PDSS2: variants seen among roughly 807,000 people sequenced by gnomAD.
The protein encoded by PDSS2 is all trans-polyprenyl-diphosphate synthase PDSS2.
Under a neutral mutation model 44.5 loss-of-function variants are expected in PDSS2, and 31 were observed. The observed-to-expected ratio is 0.70, with a 90% CI of 0.52 to 0.94. The LOEUF is 0.94. Among genes scored for constraint, PDSS2 ranks in the 40% least tolerant of loss-of-function variants. PDSS2 has a pLI of 0.00. For synonymous variants in PDSS2, 157 were observed against 180.3 expected (o/e 0.87, Z 1.03); for missense variants, 452 against 482.2 (o/e 0.94, Z 0.59).
chr6:107,388,691 G>A (rs1433799540), intron 1 of PDSS2, among the ~76,000 whole-genome samples: 2 of 151,992 alleles, frequency 1.3e-5, no homozygotes, highest in African/African-American at 4.8e-5. Flanking sequence ...ATCTTCTGAC[G>A]TCGTGATCCA....
At chr6:107,183,373 T>C (rs1171528665) in intron 7 of PDSS2, among the ~76,000 whole-genome samples, 2 of 152,270 alleles carry the variant, frequency 1.3e-5, no homozygotes, top group East Asian at 1.9e-4. Context: ...ACAATCTCCA[T>C]AGTTATCACT....
chr6:107,227,983 G>C (rs1773892016), intron 4 of PDSS2, among the ~76,000 whole-genome samples: 1 of 152,002 alleles, frequency 6.6e-6, no homozygotes, highest in Non-Finnish European at 1.5e-5. Context: ...TGAAGGCTTG[G>C]GTTTCATTTT....
At chr6:107,386,237 T>C (rs1346732573) in intron 1 of PDSS2, among the ~76,000 whole-genome samples, 4 of 152,138 alleles carry the variant, frequency 2.6e-5, no homozygotes, top group Admixed American at 6.6e-5. Flanking sequence ...TTCTTCTGGG[T>C]TCCCATATAC....
chr6:107,450,966 G>A (rs752913987), intron 1 of PDSS2, among the ~76,000 whole-genome samples: 6 of 152,108 alleles, frequency 3.9e-5, no homozygotes, highest in South Asian at 2.1e-4. Context: ...AAGTAGCTGG[G>A]ACCACAGGTG....
intron 1 of PDSS2, among the ~76,000 whole-genome samples, chr6:107,379,914 T>C (rs1436055593): frequency 6.6e-6 from 1 of 152,098 alleles, no homozygotes; most frequent in Non-Finnish European, 1.5e-5. Flanking sequence ...TTATATATTA[T>C]GTATAATATG....
intron 4 of PDSS2, among the ~76,000 whole-genome samples, chr6:107,217,621 G>A (rs1045157946): frequency 1.3e-5 from 2 of 151,970 alleles, no homozygotes; most frequent in African/African-American, 4.8e-5. Context: ...CTCAAATATG[G>A]CTGGTGGAAG....
chr6:107,458,865 TA>T (rs34708667), intron 1 of PDSS2, 124 bp downstream of exon 1: 1 of 818,294 alleles, frequency 1.2e-6, no homozygotes, highest in Non-Finnish European at 2.0e-6. Context: ...GAGGAGTGAG[TA>T]AAAAGGAAGG....
At chr6:107,172,513 G>A (rs997320055) in intron 7 of PDSS2, among the ~76,000 whole-genome samples, 18 of 151,952 alleles carry the variant, frequency 1.2e-4, no homozygotes, top group African/African-American at 4.1e-4. Flanking sequence ...CTGACATTGC[G>A]CCATTGCACT....
chr6:107,350,810 CA>C (rs564412591), intron 1 of PDSS2, among the ~76,000 whole-genome samples: 9 of 139,560 alleles, frequency 6.4e-5, no homozygotes, highest in East Asian at 2.0e-4. Flanking sequence ...GACCCTGTCT[CA>C]AAAAAAAAAG....
At chr6:107,338,597 C>T (rs961358668) in intron 1 of PDSS2, among the ~76,000 whole-genome samples, 1 of 152,162 alleles carries the variant, frequency 6.6e-6, no homozygotes, top group Non-Finnish European at 1.5e-5. Context: ...GTAGAAGAAG[C>T]AACTAACACA....
At chr6:107,230,682 T>C (rs1010939515) in intron 4 of PDSS2, among the ~76,000 whole-genome samples, 49 of 151,828 alleles carry the variant, frequency 3.2e-4, no homozygotes, top group South Asian at 6.2e-4. Context: ...GGCATGTTTT[T>C]CTCATAGTGA....
intron 7 of PDSS2, among the ~76,000 whole-genome samples, chr6:107,185,591 C>A (rs540715664): frequency 6.6e-6 from 1 of 152,320 alleles, no homozygotes; most frequent in South Asian, 2.1e-4. Flanking sequence ...TACAGGCATA[C>A]GCTCAGCTCC....
intron 3 of PDSS2, among the ~76,000 whole-genome samples, chr6:107,247,181 A>G (rs1013289210): frequency 1.3e-5 from 2 of 152,232 alleles, no homozygotes; most frequent in African/African-American, 4.8e-5. Context: ...CTGGACACAT[A>G]ATACAGATCA....
At chr6:107,457,581 C>T (rs548972234) in intron 1 of PDSS2, among the ~76,000 whole-genome samples, 6 of 152,226 alleles carry the variant, frequency 3.9e-5, no homozygotes, top group East Asian at 1.9e-4. Flanking sequence ...TTCGTGACAA[C>T]CAAAAATGTC....
chr6:107,442,889 C>T (rs1346065999), intron 1 of PDSS2, among the ~76,000 whole-genome samples: 1 of 152,210 alleles, frequency 6.6e-6, no homozygotes, highest in African/African-American at 2.4e-5. Flanking sequence ...TCCGCAAGAA[C>T]ATCTCAATTT....
chr6:107,211,599 A>G (rs569744828), intron 5 of PDSS2, among the ~76,000 whole-genome samples: 15 of 152,020 alleles, frequency 9.9e-5, no homozygotes, highest in Admixed American at 2.0e-4. Context: ...GCGTGGTGGC[A>G]TGTGCCTGTA....
chr6:107,174,561 G>C (rs1157083994), intron 7 of PDSS2, among the ~76,000 whole-genome samples: 1 of 152,152 alleles, frequency 6.6e-6, no homozygotes, highest in Non-Finnish European at 1.5e-5. Flanking sequence ...GAAAGGTCTT[G>C]ACAGCTTCTG....
At chr6:107,248,648 A>G (rs1003577946) in intron 3 of PDSS2, among the ~76,000 whole-genome samples, 10 of 152,162 alleles carry the variant, frequency 6.6e-5, no homozygotes, top group Non-Finnish European at 1.0e-4. Flanking sequence ...CTTCAACTCA[A>G]TGCAATGAAT....
In PDSS2 at chr6:107,236,700, G is replaced by T. The variant is rs150939645; in HGVS notation, c.702+8848C>A. Among the ~76,000 whole-genome samples the T allele has an allele frequency of 1.9e-3, 283 of 152,014 alleles. 1 individual carries two copies. The highest frequency in any genetic ancestry group is 6.7e-3 in the African/African-American group (276 of 41,438). ...TTCATCATGCTATTTCCTCTACTTG[G>T]AATGCCATACATCTCCATCTATAGA... On this transcript the variant is annotated intron_variant, in intron 4 of 7. Coordinates refer to ENST00000369037, the MANE Select transcript of PDSS2 (RefSeq NM_020381.4).
Sources: allele counts gnomAD v4.1 joint callset (sites outside exome capture counted in the v4.1 genomes callset), GRCh38; gene constraint gnomAD v4.1.1; transcripts MANE v1.5; gene names NCBI Gene and HGNC (gene_info 2026-07-23, HGNC 2026-07-21).